The following FOXO3 variants were observed in gnomAD, a reference collection of about 807,000 sequenced individuals.
FOXO3 encodes forkhead box O3.
FOXO3 carries 4 observed loss-of-function variants against 41.9 expected under a neutral mutation model. That is an observed-to-expected ratio of 0.10 (90% confidence interval 0.05 to 0.22). The LOEUF is 0.22. FOXO3 is among the 10% of genes least tolerant of loss of function. The probability of loss-of-function intolerance (pLI) is 1.00; values close to 1 mark genes in which losing one functional copy is unlikely to be tolerated. For missense variants in FOXO3, 534 were observed against 906.8 expected, an observed-to-expected ratio of 0.59 and a Z score of 5.28; for synonymous variants, 318 against 389.3, an observed-to-expected ratio of 0.82 and a Z score of 2.16.
chr6:108,669,119 TAAAA>T (rs1381761256), intron 2 of FOXO3, among the ~76,000 whole-genome samples: 2 of 151,352 alleles, frequency 1.3e-5, no homozygotes, highest in Non-Finnish European at 2.9e-5. Flanking sequence ...TCTCAAAAAA[TAAAA>T]AAAATAAAAA....
chr6:108,607,226 C>T lies in FOXO3; in HGVS notation c.621+45397C>T, dbSNP rs188466685. 3.9e-5 allele frequency among the ~76,000 whole-genome samples: 6 copies of T among 152,142 alleles called. No homozygotes were observed. In the South Asian group the frequency reaches 1.2e-3, roughly 32 times the overall value. On this transcript the variant is annotated intron_variant, in intron 1 of 2. Coordinates refer to ENST00000406360, the MANE Select transcript of FOXO3 (RefSeq NM_001455.4). The stretch of plus-strand genomic sequence containing the variant: ...CAGCACTTTGGAAGGCCAAGGAGGG[C>T]AGATCACTTGAGCTCAGGAGTTCAA...
chr6:108,584,871 A>T (rs988447497), intron 1 of FOXO3, among the ~76,000 whole-genome samples: 12 of 152,110 alleles, frequency 7.9e-5, no homozygotes, highest in African/African-American at 2.9e-4. Context: ...GAGGTAAAAG[A>T]CAAGAATCTT....
At chr6:108,663,416 A>T in intron 1 of FOXO3, 39 bp from the exon 2 acceptor site, 1 of 1,553,158 alleles carries the variant, frequency 6.4e-7, no homozygotes, top group Non-Finnish European at 8.7e-7. Flanking sequence ...GTTTTGGACC[A>T]TTCTGGTTCA....
At chr6:108,573,169 A>C (rs530316167) in intron 1 of FOXO3, among the ~76,000 whole-genome samples, 7 of 151,856 alleles carry the variant, frequency 4.6e-5, no homozygotes, top group African/African-American at 1.7e-4. Flanking sequence ...CACCTGTAGT[A>C]CCAGCTACTC....
rs1224894020 is a variant in FOXO3 at position 108,618,115 on chromosome 6, G to T, written c.622-45340G>T. ...TTGGTTGCCGGTCAAATCAGAGTCTGATCTGCCTCATGGACAATCCCTGTC... is the reference window on the plus strand; with the variant it reads ...TTGGTTGCCGGTCAAATCAGAGTCTTATCTGCCTCATGGACAATCCCTGTC... On this transcript the variant is annotated intron_variant, in intron 1 of 2. Coordinates refer to ENST00000406360, the MANE Select transcript of FOXO3 (RefSeq NM_001455.4). 8 of 814,560 alleles carry T rather than the reference G, an allele frequency of 9.8e-6. No individual in the cohort carries two copies. The African/African-American group carries it at 1.3e-4, about 14-fold the overall frequency. 50.5% of individuals were successfully genotyped at this position (814,560 alleles called of 1,614,324 possible).
intron 1 of FOXO3, among the ~76,000 whole-genome samples, chr6:108,630,798 C>T (rs1777949965): frequency 6.6e-6 from 1 of 152,098 alleles, no homozygotes; most frequent in Non-Finnish European, 1.5e-5. Flanking sequence ...GAAGGAAAAA[C>T]TATATTAGAC....
At chr6:108,578,949 C>T (rs1776335310) in intron 1 of FOXO3, among the ~76,000 whole-genome samples, 1 of 152,120 alleles carries the variant, frequency 6.6e-6, no homozygotes, top group African/African-American at 2.4e-5. Flanking sequence ...TGCTGCTTGT[C>T]AGTATCATTG....
At chr6:108,627,881 G>A (rs1356569559) in intron 1 of FOXO3, among the ~76,000 whole-genome samples, 1 of 152,066 alleles carries the variant, frequency 6.6e-6, no homozygotes, top group African/African-American at 2.4e-5. Flanking sequence ...TTGGTTTGCT[G>A]GTCTGTTAGA....
rs183066844 is a variant in FOXO3, at chr6:108,611,438, C to A, written c.621+49609C>A. Reference sequence around the variant, plus strand: ...GTATGTTTAACTTTATAAGAAACTGCCAAACTGTTTTCCAGAGTGAATGTA... The same window carrying A: ...GTATGTTTAACTTTATAAGAAACTGACAAACTGTTTTCCAGAGTGAATGTA... On this transcript the variant is annotated intron_variant, in intron 1 of 2. Transcript: ENST00000406360. Among the ~76,000 whole-genome samples, 6 of 152,254 alleles carry A rather than the reference C, an allele frequency of 3.9e-5. No homozygotes were observed. The East Asian group carries it at 1.2e-3, about 29-fold the overall frequency.
intron 1 of FOXO3, among the ~76,000 whole-genome samples, chr6:108,600,546 CAAAAAAAAAAA>C (rs56888212): frequency 4.2e-5 from 2 of 47,744 alleles, no homozygotes; most frequent in Non-Finnish European, 6.8e-5. Flanking sequence ...GTCTCCATCT[CAAAAAAAAAAA>C]AAAAAAAAAA....
At chr6:108,654,501 T>C (rs538090815) in intron 1 of FOXO3, among the ~76,000 whole-genome samples, 1 of 152,238 alleles carries the variant, frequency 6.6e-6, no homozygotes, top group Admixed American at 6.5e-5. Flanking sequence ...ATATGTCTCA[T>C]TTTGTTTGGA....
At chr6:108,600,494 C>T (rs1443446133) in intron 1 of FOXO3, among the ~76,000 whole-genome samples, 1 of 136,254 alleles carries the variant, frequency 7.3e-6, no homozygotes, top group African/African-American at 2.7e-5. Context: ...TTGCAGTGAG[C>T]CAAGATTGTG....
chr6:108,656,215 TCGC>T (rs1302712902), intron 1 of FOXO3: 1 of 226,942 alleles, frequency 4.4e-6, no homozygotes, highest in Non-Finnish European at 7.0e-6. Flanking sequence ...ATTACACAAC[TCGC>T]TTTTTATTTT....
intron 1 of FOXO3, among the ~76,000 whole-genome samples, chr6:108,606,519 A>G (rs1394258673): frequency 1.3e-5 from 2 of 152,234 alleles, no homozygotes; most frequent in African/African-American, 4.8e-5. Flanking sequence ...TGTCTTCTCG[A>G]GTTCCAAGTG....
chr6:108,583,251 G>A (rs1378435316), intron 1 of FOXO3, among the ~76,000 whole-genome samples: 2 of 152,188 alleles, frequency 1.3e-5, no homozygotes, highest in Non-Finnish European at 2.9e-5. Context: ...TGTGGCTGGT[G>A]TGGGGGCATT....
intron 1 of FOXO3, among the ~76,000 whole-genome samples, chr6:108,603,182 T>C (rs1777102713): frequency 6.6e-6 from 1 of 152,108 alleles, no homozygotes; most frequent in Non-Finnish European, 1.5e-5. Context: ...ATGGTTGTAC[T>C]GTTCATCACT....
intron 1 of FOXO3, among the ~76,000 whole-genome samples, chr6:108,625,036 C>T (rs944986606): frequency 1.1e-4 from 16 of 152,160 alleles, no homozygotes; most frequent in African/African-American, 3.9e-4. Context: ...CTTGTCTCAG[C>T]CTCCCAAGCA....
At chr6:108,614,002 C>T (rs1438731533) in intron 1 of FOXO3, among the ~76,000 whole-genome samples, 3 of 151,992 alleles carry the variant, frequency 2.0e-5, no homozygotes, top group African/African-American at 7.2e-5. Flanking sequence ...TTTAAATTTC[C>T]AAGTATTTGG....
chr6:108,567,690 G>A (rs191992847), intron 1 of FOXO3, among the ~76,000 whole-genome samples: 11 of 152,178 alleles, frequency 7.2e-5, no homozygotes, highest in Admixed American at 6.5e-4. Context: ...CAGGAGGATT[G>A]CCTGAGGCCA....
Sources: gnomAD v4.1 joint callset for allele counts (sites outside exome capture counted in the v4.1 genomes callset) on GRCh38, gnomAD v4.1.1 for gene constraint, MANE v1.5 for transcripts, NCBI Gene and HGNC (gene_info 2026-07-23, HGNC 2026-07-21) for gene names.